The following VPS13B variants were observed in gnomAD, a reference collection of about 807,000 sequenced individuals.
VPS13B encodes the protein vacuolar protein sorting 13 homolog B, also known as intermembrane lipid transfer protein VPS13B.
In VPS13B, 285 loss-of-function variants were observed where a neutral mutation model predicts 426.4. The ratio of observed to expected loss-of-function variants is 0.67; its 90% confidence interval spans 0.61 to 0.74. The LOEUF (loss-of-function observed/expected upper bound fraction) is 0.74. VPS13B is among the 30% of genes least tolerant of loss of function. The pLI, the probability that VPS13B is intolerant of heterozygous loss-of-function variation, is 0.00. For synonymous variants in VPS13B, 1,676 were observed against 1,676.4 expected (o/e 1.00, Z 0.01); for missense variants, 4,537 against 4,782.6 (o/e 0.95, Z 1.51).
chr8:99,134,942 A>T, intron 9 of VPS13B, 73 bp from the exon 10 acceptor site: 1 of 1,563,002 alleles, frequency 6.4e-7, no homozygotes, highest in South Asian at 1.1e-5. Context: ...TAATTTAGAG[A>T]TTCTACAAGG....
chr8:99,447,878 T>C (rs1308904431), intron 23 of VPS13B, among the ~76,000 whole-genome samples: 1 of 151,952 alleles, frequency 6.6e-6, no homozygotes, highest in Non-Finnish European at 1.5e-5. Context: ...ATACTCTGTC[T>C]TTTCAAATGA....
At chr8:99,349,463 A>G (rs1382712250) in intron 19 of VPS13B, among the ~76,000 whole-genome samples, 2 of 152,130 alleles carry the variant, frequency 1.3e-5, no homozygotes, top group Non-Finnish European at 2.9e-5. Flanking sequence ...TCTAGAATCC[A>G]TAATGGAGAA....
chr8:99,360,862 A>T (rs1227245354), intron 19 of VPS13B, among the ~76,000 whole-genome samples: 1 of 152,160 alleles, frequency 6.6e-6, no homozygotes, highest in Non-Finnish European at 1.5e-5. Flanking sequence ...ATATTCTTTC[A>T]GGGATATTGG....
chr8:99,867,788 T>C (rs1817181033), intron 58 of VPS13B, among the ~76,000 whole-genome samples: 1 of 152,222 alleles, frequency 6.6e-6, no homozygotes, highest in Admixed American at 6.5e-5. Flanking sequence ...ATAATTACTA[T>C]ATCAATAATT....
At chr8:99,472,814 T>C (rs1819483467) in intron 24 of VPS13B, among the ~76,000 whole-genome samples, 1 of 151,798 alleles carries the variant, frequency 6.6e-6, no homozygotes, top group Non-Finnish European at 1.5e-5. Context: ...GAGAAAAAAA[T>C]GCAAACTACT....
chr8:99,631,249 G>A (rs764136849), intron 33 of VPS13B, among the ~76,000 whole-genome samples: 40 of 152,130 alleles, frequency 2.6e-4, no homozygotes, highest in Middle Eastern at 6.8e-3. Flanking sequence ...GTTTTTCTGG[G>A]AATCATGGCA....
In VPS13B at chr8:99,510,620, A is replaced by C. The variant is rs189847294; in HGVS notation, c.4225-484A>C. 3.3e-3 allele frequency among the ~76,000 whole-genome samples: 502 copies of C among 152,260 alleles called. 5 individuals are homozygous for C. Among genetic ancestry groups the C allele is most frequent in the East Asian group, 0.027 (138 of 5,176 alleles). On this transcript the variant is annotated intron_variant, in intron 28 of 61. Coordinates refer to ENST00000357162, the MANE Select transcript of VPS13B (RefSeq NM_152564.5). ...CGGGTTGAAGCGATTCTTGTGCCTCAGCCTCCCAAGCAACTGGGATTATAG... is the reference window on the plus strand; with the variant it reads ...CGGGTTGAAGCGATTCTTGTGCCTCCGCCTCCCAAGCAACTGGGATTATAG...
intron 25 of VPS13B, among the ~76,000 whole-genome samples, chr8:99,499,635 AT>A (rs1256945365): frequency 6.6e-6 from 1 of 152,084 alleles, no homozygotes; most frequent in Admixed American, 6.6e-5. Flanking sequence ...CAAAAACCTG[AT>A]TTTTTTATAG....
chr8:99,387,545 T>TA (rs1224538822), intron 20 of VPS13B, among the ~76,000 whole-genome samples: 1 of 152,142 alleles, frequency 6.6e-6, no homozygotes, highest in East Asian at 1.9e-4. Flanking sequence ...GAACAGCAGT[T>TA]GATAGCATTG....
chr8:99,835,750 A>G lies in VPS13B; in HGVS notation c.9942+12A>G. The G allele has an allele frequency of 1.2e-6, 2 of 1,613,878 alleles. No individual in the cohort carries two copies. The highest frequency in any genetic ancestry group is 1.7e-6 in the Non-Finnish European group (2 of 1,179,808). Reference sequence around the variant, plus strand: ...GTCAGGGAACACAGGTCAGTGAGCCATGTGTTCCTGCCAAGACCCAAAGAA... The same window carrying G: ...GTCAGGGAACACAGGTCAGTGAGCCGTGTGTTCCTGCCAAGACCCAAAGAA... On this transcript the variant is annotated intron_variant, in intron 54 of 61. Transcript: ENST00000357162.
chr8:99,389,482 T>G (rs1588321115), intron 20 of VPS13B: 1 of 152,302 alleles, frequency 6.6e-6, no homozygotes, highest in East Asian at 1.9e-4. Context: ...ATCAGAGACC[T>G]TAATGATAAC....
chr8:99,209,670 G>T, intron 17 of VPS13B: 1 of 879,032 alleles, frequency 1.1e-6, no homozygotes, highest in African/African-American at 1.8e-5. Context: ...ACCTCCTGAA[G>T]TGCCGGGATT....
intron 3 of VPS13B, among the ~76,000 whole-genome samples, chr8:99,046,658 A>G (rs1843255076): frequency 6.6e-6 from 1 of 152,066 alleles, no homozygotes; most frequent in African/African-American, 2.4e-5. Context: ...TTCCCCATTT[A>G]GTATTACGTT....
intron 39 of VPS13B, among the ~76,000 whole-genome samples, chr8:99,730,625 G>C (rs1041048336): frequency 6.6e-6 from 1 of 152,058 alleles, no homozygotes; most frequent in Non-Finnish European, 1.5e-5. Context: ...AATGCTGAGA[G>C]AGAGACACAA....
intron 36 of VPS13B, among the ~76,000 whole-genome samples, chr8:99,704,830 A>ATTTGTCAT (rs1448982965): frequency 3.3e-5 from 5 of 152,140 alleles, no homozygotes; most frequent in Admixed American, 2.0e-4. Flanking sequence ...CTGGGTTTTT[A>ATTTGTCAT]TTTGTCATTT....
chr8:99,082,375 T>C (rs1845531370), intron 3 of VPS13B, among the ~76,000 whole-genome samples: 2 of 152,230 alleles, frequency 1.3e-5, no homozygotes, highest in African/African-American at 4.8e-5. Flanking sequence ...CTTTGTCCGA[T>C]GAGTAAATTG....
chr8:99,854,740 T>C (rs1295647456), intron 56 of VPS13B, among the ~76,000 whole-genome samples: 2 of 152,224 alleles, frequency 1.3e-5, no homozygotes, highest in African/African-American at 4.8e-5. Context: ...TTTTCTTCAT[T>C]GCTATTTATG....
At chr8:99,425,043 T>C (rs1816612861) in intron 21 of VPS13B, among the ~76,000 whole-genome samples, 1 of 152,112 alleles carries the variant, frequency 6.6e-6, no homozygotes, top group Non-Finnish European at 1.5e-5. Flanking sequence ...AATAGACCAA[T>C]AACAGGCTCT....
chr8:99,793,803 A>G (rs920071533), intron 43 of VPS13B, among the ~76,000 whole-genome samples: 1 of 152,184 alleles, frequency 6.6e-6, no homozygotes, highest in Non-Finnish European at 1.5e-5. Context: ...AAAAAGCACA[A>G]ATTTGAAGCC....
Sources: gnomAD v4.1 joint callset for allele counts (sites outside exome capture counted in the v4.1 genomes callset) on GRCh38, gnomAD v4.1.1 for gene constraint, MANE v1.5 for transcripts, NCBI Gene and HGNC (gene_info 2026-07-23, HGNC 2026-07-21) for gene names.